ERICH5: variants seen among roughly 807,000 people sequenced by gnomAD.
ERICH5 encodes glutamate rich 5, also known as glutamate-rich protein 5.
In ERICH5, 24 loss-of-function variants were observed where a neutral mutation model predicts 28.0. That is an observed-to-expected ratio of 0.86 (90% CI 0.62 to 1.21). ERICH5 has a LOEUF of 1.21. ERICH5 is among the 50% of genes most tolerant of loss of function. The probability of loss-of-function intolerance (pLI) is 0.00; values close to 1 mark genes in which losing one functional copy is unlikely to be tolerated. For missense variants in ERICH5, 421 were observed against 441.2 expected, an observed-to-expected ratio of 0.95 and a Z score of 0.41; for synonymous variants, 163 against 157.6, an observed-to-expected ratio of 1.03 and a Z score of -0.25.
chr8:98,073,432 C>CTATATATATATATATATATATATG (rs1814961712), intron 1 of ERICH5, among the ~76,000 whole-genome samples: 1 of 15,040 alleles, frequency 6.6e-5, no homozygotes, highest in African/African-American at 2.5e-4. Context: ...CTCTCTCTCT[C>CTATATATATATATATATATATATG]TATATATATA....
chr8:98,071,310 T>G (rs1188072954), intron 1 of ERICH5, among the ~76,000 whole-genome samples: 1 of 152,046 alleles, frequency 6.6e-6, no homozygotes, highest in Non-Finnish European at 1.5e-5. Context: ...TTCTGTAAGG[T>G]GGCCCCACAA....
intron 1 of ERICH5, among the ~76,000 whole-genome samples, chr8:98,077,390 T>A (rs1439974236): frequency 6.6e-6 from 1 of 152,256 alleles, no homozygotes; most frequent in Admixed American, 6.5e-5. Context: ...TCTATGCAAA[T>A]GTTGGATTTC....
chr8:98,081,719 G>C (rs920260634), intron 1 of ERICH5, among the ~76,000 whole-genome samples: 2 of 152,092 alleles, frequency 1.3e-5, no homozygotes, highest in African/African-American at 4.8e-5. Context: ...CGTGAGGTCG[G>C]GAGTTCAAGA....
chr8:98,076,404 T>C (rs1462299126), intron 1 of ERICH5, among the ~76,000 whole-genome samples: 2 of 135,684 alleles, frequency 1.5e-5, no homozygotes, highest in African/African-American at 5.3e-5. Context: ...TTTTTTTTTT[T>C]TTCCTCGTGA....
intron 1 of ERICH5, among the ~76,000 whole-genome samples, chr8:98,077,850 G>A (rs998503078): frequency 3.3e-5 from 5 of 152,110 alleles, no homozygotes; most frequent in African/African-American, 9.7e-5. Flanking sequence ...GATTACAGGC[G>A]TGAGTCACCA....
intron 2 of ERICH5, among the ~76,000 whole-genome samples, 192 bp downstream of exon 2, chr8:98,090,221 A>G (rs1307329312): frequency 6.6e-6 from 1 of 152,144 alleles, no homozygotes; most frequent in African/African-American, 2.4e-5. Context: ...TGTCAGCAAA[A>G]CTTTTCCGAA....
intron 1 of ERICH5, among the ~76,000 whole-genome samples, chr8:98,065,295 G>A (rs1586195579): frequency 6.6e-6 from 1 of 152,170 alleles, no homozygotes; most frequent in African/African-American, 2.4e-5. Context: ...CATCAAAGAT[G>A]GCAAAAGATG....
chr8:98,077,050 G>T (rs1364120858), intron 1 of ERICH5, among the ~76,000 whole-genome samples: 7 of 151,938 alleles, frequency 4.6e-5, no homozygotes, highest in Non-Finnish European at 8.8e-5. Context: ...ATCGCTTCAG[G>T]CCAGGAGTTT....
chr8:98,078,160 T>C (rs895489420), intron 1 of ERICH5, among the ~76,000 whole-genome samples: 4 of 152,206 alleles, frequency 2.6e-5, no homozygotes, highest in African/African-American at 7.2e-5. Flanking sequence ...ATTTGTGCCA[T>C]GGCACAGAAG....
Position 98,089,557 on chromosome 8 carries a change from A to C in ERICH5, c.540A>C (p.Gln180His). The change falls in exon 2 of 3, where the codon CAA (glutamine) becomes CAC (histidine). Residue 180 changes from glutamine (Q) to histidine (H), a missense_variant. By Grantham distance (24) the Gln-to-His change is conservative. Coordinates refer to ENST00000318528, the MANE Select transcript of ERICH5 (RefSeq NM_173549.3). ...CAGTGGAGGTCACTGAGAATCCACA[A>C]ACTGCTGCAGAGATGAAGCCTCTAG... Reference protein sequence around the residue: ...LRAVEVTENPQTAAEMKPLGT... With the variant: ...LRAVEVTENPHTAAEMKPLGT... 2 of 1,614,216 alleles carry C rather than the reference A, an allele frequency of 1.2e-6. No homozygotes were observed. The highest frequency in any genetic ancestry group is 1.7e-6 in the Non-Finnish European group (2 of 1,180,038).
Position 98,082,349 on chromosome 8 carries a change from A to G in ERICH5, c.59-6727A>G, listed in dbSNP as rs192822196. 3.9e-4 allele frequency among the ~76,000 whole-genome samples: 59 copies of G among 152,270 alleles called. No homozygotes were observed. In the East Asian group the frequency reaches 0.01, roughly 26 times the overall value. On this transcript the variant is annotated intron_variant, in intron 1 of 2. Transcript: ENST00000318528. Reference sequence around the variant, plus strand: ...TCCAGTGTACCAGTAAAATTGGGAAAGTTACATAAGAACTGGCTGGGCACG... The same window carrying G: ...TCCAGTGTACCAGTAAAATTGGGAAGGTTACATAAGAACTGGCTGGGCACG...
intron 1 of ERICH5, among the ~76,000 whole-genome samples, chr8:98,067,353 G>C (rs1200585785): frequency 6.6e-6 from 1 of 152,004 alleles, no homozygotes; most frequent in East Asian, 1.9e-4. Flanking sequence ...AGCTACTCAG[G>C]AGGCTGAGGT....
chr8:98,073,532 A>C lies in ERICH5; in HGVS notation c.58+8805A>C, dbSNP rs1220800829. Among the ~76,000 whole-genome samples, 44 of 30,870 alleles carry C rather than the reference A, an allele frequency of 1.4e-3. 5 individuals carry two copies. Among genetic ancestry groups the C allele is most frequent in the Admixed American group, 5.4e-3 (9 of 1,664 alleles). The allele number at this position is 30,870 out of a possible 152,430, so 20.3% of individuals were successfully genotyped here. On this transcript the variant is annotated intron_variant, in intron 1 of 2. Transcript: ENST00000318528. ...TATATATATGTATATATATATATAT[A>C]TATATATATATATAATTTTTTTTTT...
intron 1 of ERICH5, among the ~76,000 whole-genome samples, chr8:98,087,037 A>G (rs1402180131): frequency 6.6e-6 from 1 of 151,650 alleles, no homozygotes; most frequent in African/African-American, 2.4e-5. Context: ...CTAAGTTTTT[A>G]TCTTCCATAG....
In ERICH5 at chr8:98,091,813, ACTTTCTTTTT is replaced by A. The variant is rs1260285203; in HGVS notation, c.1013-1393_1013-1384del. On this transcript the variant is annotated intron_variant, in intron 2 of 2. Transcript: ENST00000318528. ...ACCCTTTGATTTAGATACAAATTAGACTTTCTTTTTCTTTCTTTTTCTTTTTCTTTCTTTC... is the reference window on the plus strand; with the variant it reads ...ACCCTTTGATTTAGATACAAATTAGACTTTCTTTTTCTTTTTCTTTCTTTC... Among the ~76,000 whole-genome samples the A allele has an allele frequency of 6.1e-5, 9 of 147,838 alleles. No homozygotes were observed. The South Asian group carries it at 6.5e-4, about 11-fold the overall frequency.
At chr8:98,086,095 G>A (rs865794598) in intron 1 of ERICH5, among the ~76,000 whole-genome samples, 2 of 152,078 alleles carry the variant, frequency 1.3e-5, no homozygotes, top group African/African-American at 4.8e-5. Flanking sequence ...GTAGATTGAA[G>A]ATATGGATCT....
chr8:98,080,613 CCTT>C (rs768069710), intron 1 of ERICH5, among the ~76,000 whole-genome samples: 7 of 151,568 alleles, frequency 4.6e-5, no homozygotes, highest in East Asian at 1.9e-4. Context: ...TTCTCCTTCT[CCTT>C]CTTCTTCTCC....
At chr8:98,083,878 A>G (rs901509987) in intron 1 of ERICH5, among the ~76,000 whole-genome samples, 9 of 151,800 alleles carry the variant, frequency 5.9e-5, no homozygotes, top group Admixed American at 3.3e-4. Flanking sequence ...CCCTCTTCCC[A>G]TCCCTCGAAC....
intron 1 of ERICH5, among the ~76,000 whole-genome samples, chr8:98,077,458 G>A (rs1444255848): frequency 6.6e-6 from 1 of 152,168 alleles, no homozygotes; most frequent in Non-Finnish European, 1.5e-5. Context: ...GATGAATGCT[G>A]TCAATAATTT....
Sources: allele counts gnomAD v4.1 joint callset (sites outside exome capture counted in the v4.1 genomes callset), GRCh38; gene constraint gnomAD v4.1.1; transcripts MANE v1.5; gene names NCBI Gene and HGNC (gene_info 2026-07-23, HGNC 2026-07-21).